OLA1: variants seen among roughly 807,000 people sequenced by gnomAD.
The protein encoded by OLA1 is Obg like ATPase 1.
In OLA1, 14 loss-of-function variants were observed where a neutral mutation model predicts 48.4. The observed-to-expected ratio is 0.29, with a 90% confidence interval of 0.19 to 0.45. The LOEUF (loss-of-function observed/expected upper bound fraction) is 0.45. Ranked by LOEUF, OLA1 falls within the 20% of genes least tolerant of loss-of-function variation. OLA1 has a pLI of 1.00. For synonymous variants in OLA1, 127 were observed against 150.4 expected (o/e 0.84, Z 1.14); for missense variants, 325 against 467.1 (o/e 0.70, Z 2.80).
chr2:174,115,128 C>T (rs1339090657), intron 7 of OLA1, among the ~76,000 whole-genome samples: 2 of 151,968 alleles, frequency 1.3e-5, no homozygotes, highest in African/African-American at 2.4e-5. Context: ...TTTTAGTAAA[C>T]ATTCAATTCA....
intron 4 of OLA1, among the ~76,000 whole-genome samples, chr2:174,185,266 C>T (rs908195670): frequency 8.5e-5 from 13 of 152,174 alleles, no homozygotes; most frequent in Admixed American, 6.5e-4. Flanking sequence ...ATTCCTTTCA[C>T]AACCCATTGC....
At chr2:174,240,628 C>T (rs1032643102) in intron 2 of OLA1, among the ~76,000 whole-genome samples, 6 of 151,822 alleles carry the variant, frequency 4.0e-5, no homozygotes, top group Non-Finnish European at 8.8e-5. Flanking sequence ...GAAAGATGCT[C>T]AAAATCACAA....
intron 7 of OLA1, among the ~76,000 whole-genome samples, chr2:174,099,160 ATTT>A (rs753871074): frequency 2.1e-5 from 3 of 144,074 alleles, no homozygotes; most frequent in Non-Finnish European, 1.5e-5. Flanking sequence ...TATTTTATTT[ATTT>A]TTTTTTTTTT....
intron 4 of OLA1, among the ~76,000 whole-genome samples, chr2:174,162,249 A>C (rs1687027748): frequency 6.6e-6 from 1 of 152,216 alleles, no homozygotes; most frequent in African/African-American, 2.4e-5. Context: ...AATGAAGAGT[A>C]TTGAGTACCA....
intron 7 of OLA1, among the ~76,000 whole-genome samples, chr2:174,100,412 CT>C (rs1247252864): frequency 2.0e-5 from 3 of 151,156 alleles, no homozygotes; most frequent in Admixed American, 6.6e-5. Context: ...ACATTAATAA[CT>C]TTTTTTTTGG....
chr2:174,151,965 T>C (rs1686758319), intron 4 of OLA1, among the ~76,000 whole-genome samples: 1 of 152,214 alleles, frequency 6.6e-6, no homozygotes, highest in Non-Finnish European at 1.5e-5. Flanking sequence ...TTTAAAACTC[T>C]AGTCTTAATC....
chr2:174,244,738 C>A (rs762259503), intron 2 of OLA1, among the ~76,000 whole-genome samples: 7 of 152,020 alleles, frequency 4.6e-5, no homozygotes, highest in Non-Finnish European at 7.4e-5. Flanking sequence ...GTTTCTCCTG[C>A]CCCAGCCTCC....
At chr2:174,122,551 T>C (rs1685936802) in intron 7 of OLA1, among the ~76,000 whole-genome samples, 1 of 152,208 alleles carries the variant, frequency 6.6e-6, no homozygotes. Flanking sequence ...GTGAGTGGTA[T>C]GCCAAATGTG....
chr2:174,242,210 A>G (rs577494584), intron 2 of OLA1, among the ~76,000 whole-genome samples: 2 of 152,108 alleles, frequency 1.3e-5, no homozygotes, highest in African/African-American at 2.4e-5. Flanking sequence ...ATGGAAGCCA[A>G]TTTTTCCACG....
At chr2:174,207,987 G>A (rs564008628) in intron 4 of OLA1, among the ~76,000 whole-genome samples, 4 of 152,060 alleles carry the variant, frequency 2.6e-5, no homozygotes, top group African/African-American at 4.8e-5. Flanking sequence ...TACATATAGC[G>A]AGGGATGACT....
chr2:174,224,043 C>G (rs1463548978), intron 3 of OLA1, among the ~76,000 whole-genome samples: 1 of 152,138 alleles, frequency 6.6e-6, no homozygotes, highest in Non-Finnish European at 1.5e-5. Context: ...TGTCAATTTT[C>G]AAGAGCATTC....
chr2:174,182,825 C>A (rs1687579441), intron 4 of OLA1, among the ~76,000 whole-genome samples: 1 of 152,178 alleles, frequency 6.6e-6, no homozygotes, highest in Admixed American at 6.5e-5. Flanking sequence ...ATGCAATATG[C>A]AAGATGTTTT....
At chr2:174,123,808 T>A (rs898895745) in intron 5 of OLA1, 133 bp from the exon 6 acceptor site, 1 of 408,388 alleles carries the variant, frequency 2.4e-6, no homozygotes, top group African/African-American at 2.1e-5. Flanking sequence ...ACACAAATAA[T>A]TATTTTCAAT....
intron 5 of OLA1, among the ~76,000 whole-genome samples, chr2:174,124,469 C>T (rs1686001626): frequency 6.6e-6 from 1 of 152,288 alleles, no homozygotes; most frequent in African/African-American, 2.4e-5. Context: ...AAACGGCAAA[C>T]AGCAAGTGAC....
chr2:174,228,874 T>G (rs935207787), intron 3 of OLA1, among the ~76,000 whole-genome samples: 2 of 152,164 alleles, frequency 1.3e-5, no homozygotes, highest in African/African-American at 2.4e-5. Flanking sequence ...TTCTCCATAC[T>G]CTGCATTACT....
At chr2:174,215,322 A>C (rs531654711) in intron 4 of OLA1, among the ~76,000 whole-genome samples, 1 of 152,318 alleles carries the variant, frequency 6.6e-6, no homozygotes, top group African/African-American at 2.4e-5. Flanking sequence ...TAAAATATGT[A>C]AACTCCTGAA....
At position 174,163,760 on chromosome 2, in the gene OLA1, ATATATATATATATAT is replaced by A. The variant is rs1687085319; in HGVS notation, c.374-21775_374-21761del. Among the ~76,000 whole-genome samples, 3 of 34,432 alleles carry A rather than the reference ATATATATATATATAT, an allele frequency of 8.7e-5. 1 individual carries two copies. Among genetic ancestry groups the A allele is most frequent in the Non-Finnish European group, 1.7e-4 (3 of 17,454 alleles). 22.6% of individuals were successfully genotyped at this position (34,432 alleles called of 152,430 possible). On this transcript the variant is annotated intron_variant, in intron 4 of 10. Coordinates refer to ENST00000284719, the MANE Select transcript of OLA1 (RefSeq NM_013341.5). Reference sequence around the variant, plus strand: ...TATATATATATATATATATATATATATATATATATATATATAAATAAATGTTTGGGTGCCTGCTTA... The same window carrying A: ...TATATATATATATATATATATATATAAAATAAATGTTTGGGTGCCTGCTTA...
chr2:174,192,521 C>T (rs573550981), intron 4 of OLA1, among the ~76,000 whole-genome samples: 22 of 152,232 alleles, frequency 1.4e-4, no homozygotes, highest in Non-Finnish European at 2.9e-4. Flanking sequence ...TTTCAAAAAC[C>T]ATATGACCCT....
chr2:174,133,679 A>G (rs1006485617), intron 5 of OLA1, among the ~76,000 whole-genome samples: 2 of 152,336 alleles, frequency 1.3e-5, no homozygotes, highest in East Asian at 3.9e-4. Context: ...GTGTAACCCC[A>G]ACGTAAGTCC....
Sources: gnomAD v4.1 joint callset for allele counts (sites outside exome capture counted in the v4.1 genomes callset) on GRCh38, gnomAD v4.1.1 for gene constraint, MANE v1.5 for transcripts, NCBI Gene and HGNC (gene_info 2026-07-23, HGNC 2026-07-21) for gene names.